CDS2: variants seen among roughly 807,000 people sequenced by gnomAD.
CDS2 encodes the protein CDP-diacylglycerol synthase 2, also known as phosphatidate cytidylyltransferase 2.
In CDS2, 47 loss-of-function variants were observed where a neutral mutation model predicts 59.0. The ratio of observed to expected loss-of-function variants is 0.80; its 90% CI spans 0.63 to 1.02. The LOEUF (loss-of-function observed/expected upper bound fraction) is 1.02, where lower values mean the gene tolerates loss of function less well. Ranked by LOEUF, CDS2 falls within the 50% of genes least tolerant of loss-of-function variation. The probability of loss-of-function intolerance (pLI) is 0.00; values close to 1 mark genes in which losing one functional copy is unlikely to be tolerated. For missense variants in CDS2, 356 were observed against 558.9 expected (o/e 0.64, Z 3.66); for synonymous variants, 207 against 206.4 (o/e 1.00, Z -0.02).
chr20:5,185,390 A>T (rs2091060033), intron 8 of CDS2, among the ~76,000 whole-genome samples: 1 of 152,144 alleles, frequency 6.6e-6, no homozygotes, highest in South Asian at 2.1e-4. Flanking sequence ...GTGCCACTAT[A>T]CTCCAGCCTG....
chr20:5,187,067 C>T (rs1265836926), intron 10 of CDS2: 2 of 252,292 alleles, frequency 7.9e-6, no homozygotes, highest in Non-Finnish European at 1.6e-5. Flanking sequence ...CTGTGGATCC[C>T]TGGAGGGCCC....
intron 5 of CDS2, among the ~76,000 whole-genome samples, chr20:5,181,593 G>T (rs1362021940): frequency 6.6e-6 from 1 of 152,188 alleles, no homozygotes; most frequent in Non-Finnish European, 1.5e-5. Context: ...GGGACCATAG[G>T]GTCTCTTGCA....
At chr20:5,169,311 T>A (rs1460889432) in intron 1 of CDS2, among the ~76,000 whole-genome samples, 1 of 152,220 alleles carries the variant, frequency 6.6e-6, no homozygotes, top group Non-Finnish European at 1.5e-5. Context: ...CTCTCCCTGC[T>A]GTGCTGGTCT....
chr20:5,161,256 C>G (rs1006652851), intron 1 of CDS2, among the ~76,000 whole-genome samples: 5 of 152,132 alleles, frequency 3.3e-5, no homozygotes, highest in African/African-American at 9.7e-5. Flanking sequence ...AATAGCCACT[C>G]TAGTGGATGT....
chr20:5,137,544 T>G (rs1391371463), intron 1 of CDS2, among the ~76,000 whole-genome samples: 1 of 147,006 alleles, frequency 6.8e-6, no homozygotes, highest in African/African-American at 2.5e-5. Context: ...CACCTGACCT[T>G]TCTACCTATT....
intron 1 of CDS2, among the ~76,000 whole-genome samples, chr20:5,166,637 CAG>C (rs1206006869): frequency 6.6e-6 from 1 of 152,098 alleles, no homozygotes; most frequent in Non-Finnish European, 1.5e-5. Context: ...GATGCCTGGC[CAG>C]AGAGGCAGGC....
At chr20:5,183,798 G>A (rs1476937973) in intron 7 of CDS2, among the ~76,000 whole-genome samples, 1 of 152,230 alleles carries the variant, frequency 6.6e-6, no homozygotes, top group Admixed American at 6.5e-5. Flanking sequence ...TTCCAAAAAT[G>A]CAGTGGTTTC....
At chr20:5,175,737 G>A (rs2123044814) in intron 3 of CDS2, 1 of 165,770 alleles carries the variant, frequency 6.0e-6, no homozygotes, top group East Asian at 1.8e-4. Flanking sequence ...AGTGAGCCGA[G>A]ATCATGCCAC....
intron 1 of CDS2, among the ~76,000 whole-genome samples, chr20:5,136,659 C>CT (rs1253746348): frequency 6.6e-6 from 1 of 152,030 alleles, no homozygotes; most frequent in Non-Finnish European, 1.5e-5. Context: ...CCATCTTGTT[C>CT]TTTGTATCTT....
intron 1 of CDS2, among the ~76,000 whole-genome samples, chr20:5,131,229 A>G (rs2090605472): frequency 6.6e-6 from 1 of 152,152 alleles, no homozygotes; most frequent in Non-Finnish European, 1.5e-5. Flanking sequence ...ATGTTTATTT[A>G]TAAAAGTCAG....
At chr20:5,133,690 T>G (rs1284968780) in intron 1 of CDS2, among the ~76,000 whole-genome samples, 2 of 152,100 alleles carry the variant, frequency 1.3e-5, no homozygotes, top group Non-Finnish European at 2.9e-5. Context: ...CACGCCCAGC[T>G]AATTTTGTAT....
Position 5,145,813 on chromosome 20 carries a change from G to C in CDS2, c.57+18664G>C, listed in dbSNP as rs1248099083. Among the ~76,000 whole-genome samples the C allele has an allele frequency of 3.0e-5, 4 of 131,954 alleles. No homozygotes were observed. The East Asian group carries it at 8.7e-4, about 29-fold the overall frequency. The allele number at this position is 131,954 out of a possible 152,430, so 86.6% of individuals were successfully genotyped here. A position where few individuals can be genotyped will look rare whatever the true frequency, so the allele number is the denominator to read the frequency against. ...CAGGAAGTTCCAAGTTGTGTGTTTT[G>C]CTTTTTGTGTTTTTTTTTTTTTTTT... On this transcript the variant is annotated intron_variant, in intron 1 of 12. Coordinates refer to ENST00000460006, the MANE Select transcript of CDS2 (RefSeq NM_003818.4).
At chr20:5,127,194 C>T (rs2090560457) in intron 1 of CDS2, 45 bp downstream of exon 1, 2 of 1,439,234 alleles carry the variant, frequency 1.4e-6, no homozygotes, top group Admixed American at 2.6e-5. Flanking sequence ...AGCGGCGCAT[C>T]CGGGAGGCCT....
rs2091101777 is a variant in CDS2, at chr20:5,190,114, A to G, written c.1218A>G (p.Pro406=). 1.2e-6 allele frequency: 2 copies of G among 1,613,952 alleles called. No homozygotes were observed. The highest frequency in any genetic ancestry group is 1.7e-5 in the Admixed American group (1 of 60,010). The change falls in exon 13 of 13, where the codon CCA becomes CCG. Residue 406 remains proline (P), a synonymous_variant. Coordinates refer to ENST00000460006, the MANE Select transcript of CDS2 (RefSeq NM_003818.4). ...CATTCTGTTCCAGAGGCCCTAACCC[A>G]AGCAAACTGATTCAGCAGTTCCTGA... ...YIASFIRGPN[P]SKLIQQFLTL...
chr20:5,190,383 C>CAAA lies in CDS2; in HGVS notation c.*153_*155dup. 1.4e-6 allele frequency: 1 copy of CAAA among 718,860 alleles called. No individual in the cohort carries two copies. Among genetic ancestry groups the CAAA allele is most frequent in the East Asian group, 2.8e-5 (1 of 35,892 alleles). 44.5% of individuals were successfully genotyped at this position (718,860 alleles called of 1,614,324 possible). ...GGAGGGTATTTTTTATTTGTGGGTT[C>CAAA]AAAAAATCTGTATATACAGTCTATG... On this transcript the variant is annotated 3_prime_UTR_variant, in exon 13 of 13. Transcript: ENST00000460006.
intron 9 of CDS2, 119 bp downstream of exon 9, chr20:5,185,945 C>A: frequency 1.1e-6 from 1 of 939,954 alleles, no homozygotes; most frequent in Non-Finnish European, 1.6e-6. Context: ...TGCTGAATGG[C>A]AACCTTGCCC....
At chr20:5,149,804 CCCCCGGGTTCA>C (rs2090774256) in intron 1 of CDS2, among the ~76,000 whole-genome samples, 1 of 152,050 alleles carries the variant, frequency 6.6e-6, no homozygotes, top group Non-Finnish European at 1.5e-5. Flanking sequence ...CAACCTCCGC[CCCCCGGGTTCA>C]AGTGATTCTC....
intron 1 of CDS2, among the ~76,000 whole-genome samples, chr20:5,151,691 A>G (rs2090790879): frequency 1.5e-5 from 2 of 133,652 alleles, no homozygotes; most frequent in Admixed American, 7.8e-5. Flanking sequence ...TTCTGTCTGC[A>G]CCTCCCAAAG....
At chr20:5,180,051 G>A (rs893803247) in intron 5 of CDS2, among the ~76,000 whole-genome samples, 22 of 152,154 alleles carry the variant, frequency 1.4e-4, no homozygotes, top group African/African-American at 5.1e-4. Context: ...TGCAGACCCC[G>A]AAAGCAGCCT....
Sources: gnomAD v4.1 joint callset for allele counts (sites outside exome capture counted in the v4.1 genomes callset) on GRCh38, gnomAD v4.1.1 for gene constraint, MANE v1.5 for transcripts, NCBI Gene and HGNC (gene_info 2026-07-23, HGNC 2026-07-21) for gene names.